Variants in KAZN observed in about 807,000 individuals in gnomAD.
KAZN encodes the protein kazrin.
A neutral mutation model predicts 87.4 loss-of-function variants in KAZN; 40 were observed. The ratio of observed to expected loss-of-function variants is 0.46; its 90% CI spans 0.36 to 0.60. The LOEUF is 0.60. KAZN is among the 20% of genes least tolerant of loss of function. The probability of loss-of-function intolerance (pLI) is 0.00; values close to 1 mark genes in which losing one functional copy is unlikely to be tolerated. For missense variants in KAZN, 898 were observed against 1,073.9 expected, an observed-to-expected ratio of 0.84 and a Z score of 2.29; for synonymous variants, 466 against 458.3, an observed-to-expected ratio of 1.02 and a Z score of -0.22.
At position 14,167,231 on chromosome 1, in the gene KAZN, G is replaced by A. The variant is rs914479565; in HGVS notation, c.92-13204G>A. Among the ~76,000 whole-genome samples, 5 of 152,170 alleles carry A rather than the reference G, an allele frequency of 3.3e-5. No individual in the cohort carries two copies. The East Asian group carries it at 9.6e-4, about 29-fold the overall frequency. On this transcript the variant is annotated intron_variant, in intron 1 of 16. Transcript: ENST00000636203. Reference sequence around the variant, plus strand: ...GAGCAGGAATCTTGTTTGAAAATGTGCATTTTATCCTAAAATTTGATGCCA... The same window carrying A: ...GAGCAGGAATCTTGTTTGAAAATGTACATTTTATCCTAAAATTTGATGCCA...
chr1:13,972,271 CTTTTCTTTTTTT>C (rs1642164603), intron 1 of KAZN, among the ~76,000 whole-genome samples: 1 of 138,312 alleles, frequency 7.2e-6, no homozygotes, highest in African/African-American at 2.8e-5. Context: ...TTTCTTTTTT[CTTTTCTTTTTTT>C]TTTTTTTTGA....
At chr1:14,947,552 G>C (rs1661976353) in intron 1 of KAZN, among the ~76,000 whole-genome samples, 1 of 152,216 alleles carries the variant, frequency 6.6e-6, no homozygotes, top group Non-Finnish European at 1.5e-5. Context: ...CATTTAGTTT[G>C]CGAAGCAGGC....
At position 14,893,753 on chromosome 1, in the gene KAZN, G is replaced by A. The variant is rs180972997; in HGVS notation, c.227-66931G>A. Among the ~76,000 whole-genome samples, 280 of 152,282 alleles carry A rather than the reference G, an allele frequency of 1.8e-3. 1 individual carries two copies. Among genetic ancestry groups the A allele is most frequent in the Non-Finnish European group, 3.2e-3 (216 of 68,030 alleles). On this transcript the variant is annotated intron_variant, in intron 1 of 14. Transcript: ENST00000376030. Reference sequence around the variant, plus strand: ...GCAGAATCAATCTGTGCCCGCTTCAGCCTATGTTTAAGGTACAAGGATCAT... The same window carrying A: ...GCAGAATCAATCTGTGCCCGCTTCAACCTATGTTTAAGGTACAAGGATCAT...
intron 1 of KAZN, among the ~76,000 whole-genome samples, chr1:14,628,914 T>C (rs1329813255): frequency 6.8e-6 from 1 of 147,564 alleles, no homozygotes; most frequent in Non-Finnish European, 1.5e-5. Flanking sequence ...TGGCACCATC[T>C]CCACTCACTG....
At chr1:14,165,042 C>T (rs1055888599) in intron 1 of KAZN, among the ~76,000 whole-genome samples, 25 of 138,394 alleles carry the variant, frequency 1.8e-4, no homozygotes, top group African/African-American at 6.3e-4. Flanking sequence ...GCAAAAGGAT[C>T]ATTTTTCCTC....
At chr1:14,878,332 G>A (rs1652990563) in intron 1 of KAZN, among the ~76,000 whole-genome samples, 1 of 151,912 alleles carries the variant, frequency 6.6e-6, no homozygotes, top group Non-Finnish European at 1.5e-5. Flanking sequence ...CCTGTGCATT[G>A]TAGGATGTTG....
At chr1:14,355,534 G>A (rs1012065786) in intron 2 of KAZN, among the ~76,000 whole-genome samples, 37 of 151,978 alleles carry the variant, frequency 2.4e-4, no homozygotes, top group Non-Finnish European at 3.5e-4. Flanking sequence ...CCATCAACCC[G>A]TCATTGATCT....
intron 10 of KAZN, among the ~76,000 whole-genome samples, chr1:15,097,919 T>C (rs1253954835): frequency 6.6e-6 from 1 of 152,208 alleles, no homozygotes; most frequent in African/African-American, 2.4e-5. Context: ...CAGTGTCCCA[T>C]GCTGCCTTTG....
At position 15,000,579 on chromosome 1, in the gene KAZN, CCCTCTGAA is replaced by C. The variant is rs1213027123; in HGVS notation, c.419-34165_419-34158del. 9.9e-5 allele frequency among the ~76,000 whole-genome samples: 15 copies of C among 151,888 alleles called. No homozygotes were observed. In the East Asian group the frequency reaches 2.7e-3, roughly 27 times the overall value. On this transcript the variant is annotated intron_variant, in intron 2 of 14. Transcript: ENST00000376030. Reference sequence around the variant, plus strand: ...GCCAAATGCTGCCCGGCCACTGTACCCCTCTGAACCTCCAGTAACCCCTCTGGAAAGCA... The same window carrying C: ...GCCAAATGCTGCCCGGCCACTGTACCCCTCCAGTAACCCCTCTGGAAAGCA...
intron 1 of KAZN, among the ~76,000 whole-genome samples, chr1:14,035,144 C>T (rs1641497388): frequency 6.6e-6 from 1 of 152,164 alleles, no homozygotes; most frequent in Admixed American, 6.5e-5. Context: ...CCTGTCAGGT[C>T]TCACCAGAAC....
chr1:14,800,484 T>A (rs1645975705), intron 1 of KAZN, among the ~76,000 whole-genome samples: 1 of 152,212 alleles, frequency 6.6e-6, no homozygotes, highest in African/African-American at 2.4e-5. Context: ...AAGGATCACT[T>A]GAGCCTAGGA....
intron 2 of KAZN, among the ~76,000 whole-genome samples, chr1:14,567,541 A>G (rs1408487939): frequency 3.3e-5 from 5 of 152,218 alleles, no homozygotes; most frequent in African/African-American, 1.2e-4. Flanking sequence ...AAAATATGTA[A>G]TACCTGCAAG....
intron 2 of KAZN, among the ~76,000 whole-genome samples, chr1:14,988,293 C>A (rs987000238): frequency 2.6e-5 from 4 of 152,232 alleles, no homozygotes; most frequent in Admixed American, 1.3e-4. Context: ...GGGCTTCCTC[C>A]GTCACAGAAC....
At chr1:15,100,690 T>C (rs1037090725) in intron 10 of KAZN, among the ~76,000 whole-genome samples, 7 of 152,194 alleles carry the variant, frequency 4.6e-5, no homozygotes, top group African/African-American at 1.7e-4. Flanking sequence ...GACCTGGCAG[T>C]GCAGTGGTAA....
chr1:14,254,430 T>C (rs552575870), intron 2 of KAZN, among the ~76,000 whole-genome samples: 2 of 152,306 alleles, frequency 1.3e-5, no homozygotes, highest in East Asian at 1.9e-4. Flanking sequence ...CCATTCCTTT[T>C]GTTGGTAACT....
chr1:14,590,758 T>C (rs1676145774), intron 2 of KAZN, among the ~76,000 whole-genome samples: 1 of 152,208 alleles, frequency 6.6e-6, no homozygotes, highest in Admixed American at 6.5e-5. Context: ...CACCAGACAC[T>C]CTTCCAGATG....
At chr1:14,962,349 G>T (rs56959859) in intron 2 of KAZN, among the ~76,000 whole-genome samples, 10,602 of 152,172 alleles carry the variant, frequency 0.07, 1,236 homozygotes, top group African/African-American at 0.24. Flanking sequence ...GTGGGGTCAC[G>T]GCGGCAGCAT....
At chr1:14,411,831 A>G (rs564047080) in intron 2 of KAZN, among the ~76,000 whole-genome samples, 140 of 152,388 alleles carry the variant, frequency 9.2e-4, no homozygotes, top group African/African-American at 3.2e-3. Context: ...AACACGTAAC[A>G]TAAAAAGAAA....
intron 1 of KAZN, among the ~76,000 whole-genome samples, chr1:14,004,883 G>C (rs539502342): frequency 1.3e-5 from 2 of 152,168 alleles, no homozygotes; most frequent in South Asian, 4.1e-4. Flanking sequence ...GGAACTGGTG[G>C]CTTTATAAGA....
Sources: allele counts gnomAD v4.1 joint callset (sites outside exome capture counted in the v4.1 genomes callset), GRCh38; gene constraint gnomAD v4.1.1; transcripts MANE v1.5; gene names NCBI Gene and HGNC (gene_info 2026-07-23, HGNC 2026-07-21).